NEGR1: variants seen among roughly 807,000 people sequenced by gnomAD.
NEGR1 encodes the protein neuronal growth regulator 1, also known as IgLON family member 4.
Under a neutral mutation model 40.9 loss-of-function variants are expected in NEGR1, and 10 were observed. The observed-to-expected ratio is 0.24, with a 90% CI of 0.15 to 0.42. The LOEUF is 0.42. NEGR1 is among the 10% of genes least tolerant of loss of function. The probability of loss-of-function intolerance (pLI) is 1.00; values close to 1 mark genes in which losing one functional copy is unlikely to be tolerated. For missense variants in NEGR1, 352 were observed against 438.9 expected (o/e 0.80, Z 1.77); for synonymous variants, 185 against 166.8 (o/e 1.11, Z -0.84).
intron 6 of NEGR1, among the ~76,000 whole-genome samples, chr1:71,451,184 G>C (rs545861575): frequency 6.6e-6 from 1 of 152,250 alleles, no homozygotes; most frequent in African/African-American, 2.4e-5. Flanking sequence ...CAAAACAGAA[G>C]CTTTAATATC....
intron 6 of NEGR1, among the ~76,000 whole-genome samples, chr1:71,453,189 A>T (rs564046620): frequency 2.0e-5 from 3 of 152,198 alleles, no homozygotes; most frequent in Non-Finnish European, 4.4e-5. Context: ...TGTAGGTTTG[A>T]ATTCAGAGAC....
chr1:71,489,506 T>A (rs928359545), intron 6 of NEGR1, among the ~76,000 whole-genome samples: 2 of 151,844 alleles, frequency 1.3e-5, no homozygotes, highest in African/African-American at 4.8e-5. Flanking sequence ...GATAGAGTAT[T>A]TTTTCCTACT....
intron 4 of NEGR1, among the ~76,000 whole-genome samples, chr1:71,665,631 T>C (rs1013906414): frequency 2.0e-5 from 3 of 152,146 alleles, no homozygotes; most frequent in Admixed American, 6.6e-5. Flanking sequence ...TTCCCTTACA[T>C]TGAGCTCCAT....
intron 2 of NEGR1, among the ~76,000 whole-genome samples, chr1:71,783,338 G>A (rs574278853): frequency 6.6e-6 from 1 of 152,174 alleles, no homozygotes; most frequent in South Asian, 2.1e-4. Context: ...AAACCTCCTG[G>A]AAAAGGTGTT....
chr1:71,466,895 T>A (rs889425501), intron 6 of NEGR1, among the ~76,000 whole-genome samples: 2 of 152,100 alleles, frequency 1.3e-5, no homozygotes, highest in Non-Finnish European at 2.9e-5. Context: ...TGCAGAGTGG[T>A]CTAAAGATTC....
At chr1:71,604,509 G>A (rs1650020966) in intron 5 of NEGR1, among the ~76,000 whole-genome samples, 1 of 152,046 alleles carries the variant, frequency 6.6e-6, no homozygotes, top group South Asian at 2.1e-4. Context: ...CAATCAGGTA[G>A]TAAATATTTA....
intron 4 of NEGR1, among the ~76,000 whole-genome samples, chr1:71,659,283 CAGA>C (rs1332368239): frequency 1.3e-5 from 2 of 152,118 alleles, no homozygotes; most frequent in African/African-American, 4.8e-5. Context: ...GCTTGAAACT[CAGA>C]CCGCTCTTCA....
rs549995189 is a variant in NEGR1, at chr1:72,064,181, C to G, written c.177-128870G>C. 8.3e-4 allele frequency among the ~76,000 whole-genome samples: 126 copies of G among 152,006 alleles called. 1 individual carries two copies. Among genetic ancestry groups the G allele is most frequent in the Non-Finnish European group, 1.6e-3 (109 of 67,958 alleles). On this transcript the variant is annotated intron_variant, in intron 1 of 6. Coordinates refer to ENST00000357731, the MANE Select transcript of NEGR1 (RefSeq NM_173808.3). ...AAGTGATGGGTAATTAGGTCTGTGT[C>G]ATTTATTTTGTAGAAAAAAGGAGCC...
intron 6 of NEGR1, among the ~76,000 whole-genome samples, chr1:71,542,869 C>G (rs1424731254): frequency 6.6e-6 from 1 of 151,854 alleles, no homozygotes; most frequent in East Asian, 2.0e-4. Context: ...CCAACCAATT[C>G]TGGAGCACAT....
intron 1 of NEGR1, among the ~76,000 whole-genome samples, chr1:72,263,952 T>C (rs1655553032): frequency 6.6e-6 from 1 of 151,450 alleles, no homozygotes; most frequent in Non-Finnish European, 1.5e-5. Flanking sequence ...GTAATACATA[T>C]ATTCACTGGA....
intron 1 of NEGR1, among the ~76,000 whole-genome samples, chr1:72,024,818 CA>C (rs1157341282): frequency 3.9e-5 from 6 of 152,172 alleles, no homozygotes; most frequent in African/African-American, 1.2e-4. Context: ...CTGACGATTA[CA>C]AATCTTTAAA....
chr1:71,887,823 T>C, intron 2 of NEGR1, among the ~76,000 whole-genome samples: 1 of 152,136 alleles, frequency 6.6e-6, no homozygotes, highest in Non-Finnish European at 1.5e-5. Flanking sequence ...GGATAAGCAA[T>C]ATATATTCTC....
chr1:72,226,500 C>T (rs1265142016), intron 1 of NEGR1, among the ~76,000 whole-genome samples: 1 of 151,940 alleles, frequency 6.6e-6, no homozygotes, highest in Admixed American at 6.6e-5. Flanking sequence ...ATTATCTTCT[C>T]AATGGCAAAT....
intron 3 of NEGR1, among the ~76,000 whole-genome samples, chr1:71,715,312 C>T (rs1468058031): frequency 6.6e-6 from 1 of 152,202 alleles, no homozygotes; most frequent in African/African-American, 2.4e-5. Context: ...GGAGGACCTG[C>T]CATGAAGACA....
intron 3 of NEGR1, among the ~76,000 whole-genome samples, chr1:71,714,168 C>T (rs1175447445): frequency 6.6e-6 from 1 of 152,038 alleles, no homozygotes; most frequent in Admixed American, 6.6e-5. Flanking sequence ...AGAATGAGGG[C>T]CAGGAAGGGA....
At chr1:71,803,828 A>G (rs1570368207) in intron 2 of NEGR1, among the ~76,000 whole-genome samples, 1 of 152,242 alleles carries the variant, frequency 6.6e-6, no homozygotes, top group East Asian at 1.9e-4. Flanking sequence ...AAGTTCCTTG[A>G]ATAGAAATTT....
At chr1:72,146,237 T>C (rs1407389935) in intron 1 of NEGR1, among the ~76,000 whole-genome samples, 1 of 152,190 alleles carries the variant, frequency 6.6e-6, no homozygotes, top group East Asian at 1.9e-4. Context: ...AACTTTTTAA[T>C]TAAACACAAC....
intron 6 of NEGR1, among the ~76,000 whole-genome samples, chr1:71,500,089 G>A (rs1328509288): frequency 6.6e-6 from 1 of 152,016 alleles, no homozygotes; most frequent in Non-Finnish European, 1.5e-5. Flanking sequence ...AGTTTGTACA[G>A]TTTCTTTATG....
chr1:72,267,249 C>A lies in NEGR1; in HGVS notation c.176+15070G>T, dbSNP rs368706271. Among the ~76,000 whole-genome samples the A allele has an allele frequency of 1.5e-4, 22 of 151,078 alleles. 1 individual carries two copies. The East Asian group carries it at 4.3e-3, about 29-fold the overall frequency. On this transcript the variant is annotated intron_variant, in intron 1 of 6. Transcript: ENST00000357731. ...AGAAATATGCCACTATTTGCAAGGA[C>A]CCCATCTTACATACAATGCATATGT... is the stretch of plus-strand genomic sequence containing the variant.
Sources: gnomAD v4.1 joint callset for allele counts (sites outside exome capture counted in the v4.1 genomes callset) on GRCh38, gnomAD v4.1.1 for gene constraint, MANE v1.5 for transcripts, NCBI Gene and HGNC (gene_info 2026-07-23, HGNC 2026-07-21) for gene names.